Variants in GOLGA4 observed in about 807,000 individuals in gnomAD.
The protein encoded by GOLGA4 is golgin subfamily A member 4.
Under a neutral mutation model 265.9 loss-of-function variants are expected in GOLGA4, and 169 were observed. The observed-to-expected ratio is 0.64, with a 90% confidence interval of 0.56 to 0.72. GOLGA4 has a LOEUF of 0.72. Ranked by LOEUF, GOLGA4 falls within the 30% of genes least tolerant of loss-of-function variation. The pLI is 0.00. For missense variants in GOLGA4, 2,482 were observed against 2,483.4 expected (o/e 1.00, Z 0.01); for synonymous variants, 923 against 855.8 (o/e 1.08, Z -1.37).
chr3:37,320,927 A>AAT (rs1476583065), intron 12 of GOLGA4, among the ~76,000 whole-genome samples: 1 of 152,192 alleles, frequency 6.6e-6, no homozygotes, highest in African/African-American at 2.4e-5. Context: ...AATGCTATGG[A>AAT]AACTAGTATT....
chr3:37,298,473 T>A (rs1319726165), intron 7 of GOLGA4, among the ~76,000 whole-genome samples: 1 of 152,168 alleles, frequency 6.6e-6, no homozygotes, highest in Admixed American at 6.5e-5. Flanking sequence ...CAAGCAGTGA[T>A]ATTAGGAGCA....
chr3:37,291,368 T>G (rs997237992), intron 5 of GOLGA4, among the ~76,000 whole-genome samples: 10 of 152,214 alleles, frequency 6.6e-5, no homozygotes, highest in African/African-American at 2.4e-4. Context: ...GAAACACATC[T>G]ACTTTACTCA....
chr3:37,359,455 T>C (rs1283992802), intron 22 of GOLGA4, among the ~76,000 whole-genome samples: 4 of 152,232 alleles, frequency 2.6e-5, no homozygotes, highest in Admixed American at 6.5e-5. Context: ...TTTTTCTCTT[T>C]AGAGTGCTAG....
rs150704558 is a variant in GOLGA4 at position 37,287,329 on chromosome 3, A to T, written c.525+1268A>T. 4.9e-3 allele frequency among the ~76,000 whole-genome samples: 742 copies of T among 152,372 alleles called. 9 individuals are homozygous for T. Among genetic ancestry groups the T allele is most frequent in the African/African-American group, 0.017 (710 of 41,588 alleles). On this transcript the variant is annotated intron_variant, in intron 4 of 23. Transcript: ENST00000361924. ...GCACTCCAGCCTGGGTGACAGAGCA[A>T]GACTCCGTCTCAAAAAAGAAAAGAT...
At position 37,251,409 on chromosome 3, in the gene GOLGA4, T is replaced by C; in HGVS notation, c.87T>C (p.Ser29=). The change falls in exon 2 of 24, where the codon TCT becomes TCC. Residue 29 remains serine (S), a synonymous_variant. Transcript: ENST00000361924. Reference sequence around the variant, plus strand: ...TTTAAATCTAGGCGTCCTCCAATTCTTCAACACCAACAAGAATGAGGAGCA... The same window carrying C: ...TTTAAATCTAGGCGTCCTCCAATTCCTCAACACCAACAAGAATGAGGAGCA... ...ALAPAQASSN[S]STPTRMRSRT... 1 of 1,611,298 alleles carries C rather than the reference T, an allele frequency of 6.2e-7. No individual in the cohort carries two copies. Among genetic ancestry groups the C allele is most frequent in the Non-Finnish European group, 8.5e-7 (1 of 1,177,488 alleles).
intron 2 of GOLGA4, among the ~76,000 whole-genome samples, chr3:37,254,596 C>T (rs2096743309): frequency 6.6e-6 from 1 of 151,798 alleles, no homozygotes; most frequent in Non-Finnish European, 1.5e-5. Context: ...GCAACCTCCG[C>T]CTCCTGGGTT....
intron 20 of GOLGA4, among the ~76,000 whole-genome samples, chr3:37,344,929 T>C (rs2097051307): frequency 6.6e-6 from 1 of 152,212 alleles, no homozygotes. Flanking sequence ...CAGTAATGTT[T>C]CTTGGCTGGG....
At position 37,323,664 on chromosome 3, in the gene GOLGA4, A is replaced by G; in HGVS notation, c.1778A>G (p.His593Arg). 1 of 1,597,590 alleles carries G rather than the reference A, an allele frequency of 6.3e-7. No individual in the cohort carries two copies. Among genetic ancestry groups the G allele is most frequent in the Non-Finnish European group, 8.5e-7 (1 of 1,175,670 alleles). ...NKNQSKDLAVHLEAEKNKHNK... is the reference protein window; with the variant it reads ...NKNQSKDLAVRLEAEKNKHNK... The stretch of plus-strand genomic sequence containing the variant: ...AATCAGTCAAAAGATTTGGCTGTTC[A>G]TCTGGAAGCTGAAAAAAATAAGCAC... Residue 593 changes from histidine to arginine, a missense_variant, in exon 14 of 24, where the codon CAT (histidine) becomes CGT (arginine). By Grantham distance (29) the His-to-Arg change is conservative. Coordinates refer to ENST00000361924, the MANE Select transcript of GOLGA4 (RefSeq NM_002078.5).
intron 7 of GOLGA4, among the ~76,000 whole-genome samples, chr3:37,297,104 TATTA>T (rs1268615261): frequency 2.6e-5 from 4 of 152,254 alleles, no homozygotes; most frequent in South Asian, 2.1e-4. Context: ...GTATTTGTCC[TATTA>T]ATTGCTTTTT....
intron 2 of GOLGA4, among the ~76,000 whole-genome samples, chr3:37,263,705 A>G (rs1258692094): frequency 6.6e-6 from 1 of 152,200 alleles, no homozygotes; most frequent in Non-Finnish European, 1.5e-5. Flanking sequence ...ACACACGCAT[A>G]TATATATGAG....
intron 20 of GOLGA4, among the ~76,000 whole-genome samples, chr3:37,346,021 G>A (rs947676675): frequency 3.3e-5 from 5 of 151,930 alleles, no homozygotes; most frequent in South Asian, 2.1e-4. Flanking sequence ...GGTGCGTTTT[G>A]TATAGATCTA....
rs191093068 is a variant in GOLGA4, at chr3:37,269,112, G to A, written c.163-12846G>A. Among the ~76,000 whole-genome samples, 9 of 152,342 alleles carry A rather than the reference G, an allele frequency of 5.9e-5. No individual in the cohort carries two copies. In the East Asian group the frequency reaches 1.7e-3, roughly 29 times the overall value. On this transcript the variant is annotated intron_variant, in intron 2 of 23. Coordinates refer to ENST00000361924, the MANE Select transcript of GOLGA4 (RefSeq NM_002078.5). ...ACAATATGTAATTGAAGACAAGTCT[G>A]TCAGGGAACCTGTGTGTGCTTTTAA...
At chr3:37,293,832 T>G (rs1203819139) in intron 5 of GOLGA4, among the ~76,000 whole-genome samples, 1 of 152,240 alleles carries the variant, frequency 6.6e-6, no homozygotes, top group Non-Finnish European at 1.5e-5. Context: ...TTCAGAAACC[T>G]AGATGCTATA....
intron 10 of GOLGA4, among the ~76,000 whole-genome samples, chr3:37,308,564 T>A (rs2096913682): frequency 6.6e-6 from 1 of 151,390 alleles, no homozygotes; most frequent in African/African-American, 2.4e-5. Flanking sequence ...AGAGCTTTAT[T>A]TATGTGGGTT....
At chr3:37,319,330 G>C (rs1438906081) in intron 12 of GOLGA4, 136 bp downstream of exon 12, 1 of 591,170 alleles carries the variant, frequency 1.7e-6, no homozygotes, top group East Asian at 3.0e-5. Flanking sequence ...AGAGGATAGA[G>C]AGTAGGCAAG....
chr3:37,264,788 T>C (rs898496739), intron 2 of GOLGA4, among the ~76,000 whole-genome samples: 4 of 152,180 alleles, frequency 2.6e-5, no homozygotes, highest in African/African-American at 7.2e-5. Flanking sequence ...AGCTCACTGC[T>C]GGGCTTAGGC....
chr3:37,286,315 G>T (rs1219213327), intron 4 of GOLGA4, among the ~76,000 whole-genome samples: 1 of 150,036 alleles, frequency 6.7e-6, no homozygotes, highest in African/African-American at 2.4e-5. Context: ...CACCGCGCCC[G>T]GCTAATTTTT....
chr3:37,256,326 C>CT (rs968598599), intron 2 of GOLGA4, among the ~76,000 whole-genome samples: 2 of 152,076 alleles, frequency 1.3e-5, no homozygotes, highest in Non-Finnish European at 2.9e-5. Context: ...CCACTGTTCT[C>CT]TTTGTCTTTG....
At chr3:37,286,536 T>G (rs565273505) in intron 4 of GOLGA4, among the ~76,000 whole-genome samples, 28 of 152,196 alleles carry the variant, frequency 1.8e-4, no homozygotes, top group African/African-American at 6.5e-4. Flanking sequence ...TTATTGGAGG[T>G]TTTGATAAAG....
Sources: gnomAD v4.1 joint callset for allele counts (sites outside exome capture counted in the v4.1 genomes callset) on GRCh38, gnomAD v4.1.1 for gene constraint, MANE v1.5 for transcripts, NCBI Gene and HGNC (gene_info 2026-07-23, HGNC 2026-07-21) for gene names.